NDUFAF2: variants seen among roughly 807,000 people sequenced by gnomAD.
NDUFAF2 encodes the protein NADH:ubiquinone oxidoreductase complex assembly factor 2.
Under a neutral mutation model 22.8 loss-of-function variants are expected in NDUFAF2, and 13 were observed. That is an observed-to-expected ratio of 0.57 (90% CI 0.37 to 0.91). The LOEUF (loss-of-function observed/expected upper bound fraction) is 0.91, where lower values mean the gene tolerates loss of function less well. NDUFAF2 is among the 40% of genes least tolerant of loss of function. The pLI is 0.01. For missense variants in NDUFAF2, 162 were observed against 195.2 expected, an observed-to-expected ratio of 0.83 and a Z score of 1.01; for synonymous variants, 53 against 64.2, an observed-to-expected ratio of 0.83 and a Z score of 0.84.
chr5:61,099,746 G>T (rs1243336003), intron 3 of NDUFAF2, among the ~76,000 whole-genome samples: 1 of 152,020 alleles, frequency 6.6e-6, no homozygotes, highest in African/African-American at 2.4e-5. Context: ...ATGCATTAGT[G>T]TACTGCCTTG....
chr5:61,120,849 T>A (rs1314540525), intron 3 of NDUFAF2, among the ~76,000 whole-genome samples: 2 of 152,122 alleles, frequency 1.3e-5, no homozygotes, highest in African/African-American at 4.8e-5. Context: ...TTGGTTTATT[T>A]TTTTTATCCA....
In NDUFAF2 at chr5:61,050,045, T is replaced by C. The variant is rs191994849; in HGVS notation, c.128-23080T>C. ...TGCAATGCACATGGACATACAAATA[T>C]CTTTTCGAGACTCTGCTTTCAATTC... On this transcript the variant is annotated intron_variant, in intron 1 of 3. Coordinates refer to ENST00000296597, the MANE Select transcript of NDUFAF2 (RefSeq NM_174889.5). 7.4e-4 allele frequency among the ~76,000 whole-genome samples: 113 copies of C among 152,138 alleles called. 3 individuals carry two copies. Among genetic ancestry groups the C allele is most frequent in the Admixed American group, 6.9e-3 (105 of 15,252 alleles).
At chr5:61,048,007 A>T (rs1414916625) in intron 1 of NDUFAF2, among the ~76,000 whole-genome samples, 1 of 152,210 alleles carries the variant, frequency 6.6e-6, no homozygotes, top group Non-Finnish European at 1.5e-5. Flanking sequence ...AAGTGAAAAA[A>T]ATCAAGATAG....
At chr5:60,984,879 G>A (rs947233224) in intron 1 of NDUFAF2, among the ~76,000 whole-genome samples, 1 of 152,096 alleles carries the variant, frequency 6.6e-6, no homozygotes, top group Non-Finnish European at 1.5e-5. Flanking sequence ...TCTCTGCCAG[G>A]CTTTGTTATC....
intron 3 of NDUFAF2, among the ~76,000 whole-genome samples, chr5:61,107,072 C>CACACACACACACACAA (rs1554083326): frequency 6.7e-6 from 1 of 150,040 alleles, no homozygotes; most frequent in African/African-American, 2.5e-5. Context: ...CACACACACA[C>CACACACACACACACAA]ACACACACAC....
At chr5:61,035,676 C>T (rs1383909905) in intron 1 of NDUFAF2, among the ~76,000 whole-genome samples, 1 of 151,968 alleles carries the variant, frequency 6.6e-6, no homozygotes, top group Non-Finnish European at 1.5e-5. Flanking sequence ...AGAGGTAGCA[C>T]TCCTCCTAAT....
intron 2 of NDUFAF2, among the ~76,000 whole-genome samples, chr5:61,094,586 A>G (rs1166342839): frequency 1.3e-5 from 2 of 152,214 alleles, no homozygotes; most frequent in Non-Finnish European, 2.9e-5. Flanking sequence ...TTGAGTTTTC[A>G]GTGCTCTTGC....
At chr5:61,023,616 AAATTTTACACCACGG>A (rs1751614190) in intron 1 of NDUFAF2, among the ~76,000 whole-genome samples, 1 of 152,138 alleles carries the variant, frequency 6.6e-6, no homozygotes, top group African/African-American at 2.4e-5. Context: ...TGTTACTTTT[AAATTTTACACCACGG>A]AATTATGTAA....
intron 1 of NDUFAF2, among the ~76,000 whole-genome samples, chr5:61,059,576 C>A (rs1752139368): frequency 6.6e-6 from 1 of 152,008 alleles, no homozygotes; most frequent in South Asian, 2.1e-4. Flanking sequence ...CTTTTCAGAT[C>A]TGAAAAGCTA....
intron 2 of NDUFAF2, among the ~76,000 whole-genome samples, chr5:61,078,476 C>T (rs1291153721): frequency 2.0e-5 from 3 of 152,100 alleles, no homozygotes; most frequent in Non-Finnish European, 4.4e-5. Context: ...TGCACTGGCT[C>T]ACACCTGTAA....
intron 1 of NDUFAF2, among the ~76,000 whole-genome samples, chr5:60,972,324 C>G (rs1195486068): frequency 6.6e-6 from 1 of 151,506 alleles, no homozygotes; most frequent in Non-Finnish European, 1.5e-5. Context: ...GTTGTAATCT[C>G]TAAATCCCCA....
chr5:61,034,262 A>G (rs529175978), intron 1 of NDUFAF2, among the ~76,000 whole-genome samples: 1 of 152,310 alleles, frequency 6.6e-6, no homozygotes, highest in East Asian at 1.9e-4. Flanking sequence ...TGCTTTGACT[A>G]ACTAGTACAG....
intron 1 of NDUFAF2, among the ~76,000 whole-genome samples, chr5:60,985,755 C>G (rs976353443): frequency 3.9e-5 from 6 of 152,126 alleles, no homozygotes; most frequent in African/African-American, 1.4e-4. Context: ...ACCATCAGAT[C>G]TCAGGAGACT....
chr5:60,974,896 A>C (rs1580074942), intron 1 of NDUFAF2, among the ~76,000 whole-genome samples: 1 of 151,814 alleles, frequency 6.6e-6, no homozygotes, highest in Non-Finnish European at 1.5e-5. Flanking sequence ...GCTCATTGCA[A>C]CTTCCTCCTC....
chr5:61,125,706 C>A (rs1207509585), intron 3 of NDUFAF2, among the ~76,000 whole-genome samples: 1 of 151,828 alleles, frequency 6.6e-6, no homozygotes, highest in Non-Finnish European at 1.5e-5. Flanking sequence ...AAATTCATTC[C>A]CCAAAATGAA....
At chr5:61,030,327 C>A (rs1751707689) in intron 1 of NDUFAF2, among the ~76,000 whole-genome samples, 1 of 152,054 alleles carries the variant, frequency 6.6e-6, no homozygotes, top group Non-Finnish European at 1.5e-5. Flanking sequence ...AGGAGGGAAC[C>A]TTATCAGCTC....
intron 3 of NDUFAF2, among the ~76,000 whole-genome samples, chr5:61,144,513 G>T (rs1304200163): frequency 3.9e-5 from 6 of 152,042 alleles, no homozygotes; most frequent in Non-Finnish European, 5.9e-5. Flanking sequence ...ACTTAGATCT[G>T]CATCTAAATA....
intron 1 of NDUFAF2, among the ~76,000 whole-genome samples, chr5:60,999,272 G>A (rs1302196604): frequency 2.6e-5 from 4 of 151,878 alleles, no homozygotes; most frequent in East Asian, 1.9e-4. Flanking sequence ...ACAAATGTTC[G>A]TAGCTTCACT....
At chr5:60,996,809 A>G (rs1313373880) in intron 1 of NDUFAF2, among the ~76,000 whole-genome samples, 1 of 152,154 alleles carries the variant, frequency 6.6e-6, no homozygotes, top group Non-Finnish European at 1.5e-5. Flanking sequence ...TTCTAACAGA[A>G]AAGCACTGAG....
Sources: allele counts gnomAD v4.1 joint callset (sites outside exome capture counted in the v4.1 genomes callset), GRCh38; gene constraint gnomAD v4.1.1; transcripts MANE v1.5; gene names NCBI Gene and HGNC (gene_info 2026-07-23, HGNC 2026-07-21).